Variants in TRIM55 observed in about 807,000 individuals in gnomAD.
TRIM55 encodes the protein tripartite motif containing 55.
Under a neutral mutation model 60.9 loss-of-function variants are expected in TRIM55, and 50 were observed. That is an observed-to-expected ratio of 0.82 (90% confidence interval 0.65 to 1.04). TRIM55 has a LOEUF of 1.04. TRIM55 is among the 50% of genes least tolerant of loss of function. The pLI is 0.00. For synonymous variants in TRIM55, 237 were observed against 238.1 expected, an observed-to-expected ratio of 1.00 and a Z score of 0.04; for missense variants, 681 against 666.9, an observed-to-expected ratio of 1.02 and a Z score of -0.23.
At chr8:66,148,838 C>G (rs997873794) in intron 4 of TRIM55, among the ~76,000 whole-genome samples, 1 of 152,164 alleles carries the variant, frequency 6.6e-6, no homozygotes, top group African/African-American at 2.4e-5. Flanking sequence ...CACTGTAGGT[C>G]AGGAGTTCAA....
the TRIM55 span, among the ~76,000 whole-genome samples, chr8:66,115,929 A>G: frequency 6.6e-6 from 1 of 152,224 alleles, no homozygotes; most frequent in Non-Finnish European, 1.5e-5. Flanking sequence ...GAAAGAAGAA[A>G]CAGAAACATA....
intron 4 of TRIM55, among the ~76,000 whole-genome samples, chr8:66,140,832 A>G (rs959674788): frequency 6.6e-6 from 1 of 152,162 alleles, no homozygotes; most frequent in Non-Finnish European, 1.5e-5. Context: ...GCCCAGAAAC[A>G]TGTTCTGAGA....
intron 9 of TRIM55, among the ~76,000 whole-genome samples, chr8:66,159,035 T>G (rs2128983539): frequency 6.6e-6 from 1 of 152,334 alleles, no homozygotes; most frequent in Non-Finnish European, 1.5e-5. Flanking sequence ...TAAATCAACT[T>G]TATTGAGATA....
chr8:66,161,703 G>A (rs1213533707), intron 9 of TRIM55, among the ~76,000 whole-genome samples: 1 of 147,616 alleles, frequency 6.8e-6, no homozygotes, highest in East Asian at 2.0e-4. Context: ...ACAGTGTTTT[G>A]TAGATTTCCT....
intron 2 of TRIM55, among the ~76,000 whole-genome samples, chr8:66,130,450 C>T (rs1308543377): frequency 1.3e-5 from 2 of 151,700 alleles, no homozygotes; most frequent in African/African-American, 2.4e-5. Context: ...CCCCTGGGGG[C>T]AGACAGCCTT....
intron 9 of TRIM55, among the ~76,000 whole-genome samples, chr8:66,171,163 T>A (rs1259348913): frequency 6.6e-6 from 1 of 152,190 alleles, no homozygotes; most frequent in Non-Finnish European, 1.5e-5. Flanking sequence ...GGGGGTTTGT[T>A]GTACAGATTA....
At chr8:66,151,967 A>T (rs1423619773) in intron 7 of TRIM55, among the ~76,000 whole-genome samples, 1 of 152,212 alleles carries the variant, frequency 6.6e-6, no homozygotes, top group Non-Finnish European at 1.5e-5. Context: ...TAAAATGACA[A>T]AAGGGCTTTG....
At chr8:66,156,047 G>A (rs999093453) in intron 9 of TRIM55, among the ~76,000 whole-genome samples, 2 of 152,188 alleles carry the variant, frequency 1.3e-5, no homozygotes, top group Non-Finnish European at 2.9e-5. Context: ...CCATAATGCG[G>A]TGAGGACTTA....
chr8:66,129,024 C>G (rs566987567), intron 2 of TRIM55, among the ~76,000 whole-genome samples: 84 of 152,136 alleles, frequency 5.5e-4, no homozygotes, highest in South Asian at 4.2e-3. Flanking sequence ...CAAGGCAAAA[C>G]CCTGGCCTTT....
At chr8:66,147,949 A>G (rs1214749133) in intron 4 of TRIM55, among the ~76,000 whole-genome samples, 1 of 152,234 alleles carries the variant, frequency 6.6e-6, no homozygotes, top group Non-Finnish European at 1.5e-5. Flanking sequence ...AAAGGAAGAA[A>G]GCAATACATG....
At chr8:66,114,645 C>G in the TRIM55 span, 1 of 456,326 alleles carries the variant, frequency 2.2e-6, no homozygotes, top group Non-Finnish European at 4.4e-6. Flanking sequence ...TGGAAACGGA[C>G]GCTGATTACT....
At chr8:66,122,954 C>G (rs1014463430), upstream of TRIM55, among the ~76,000 whole-genome samples, 2 of 152,190 alleles carry the variant, frequency 1.3e-5, no homozygotes, top group African/African-American at 4.8e-5. Flanking sequence ...AACACTGTCT[C>G]TTCTGAGGAA....
At chr8:66,143,106 T>C (rs1809912092) in intron 4 of TRIM55, among the ~76,000 whole-genome samples, 1 of 152,180 alleles carries the variant, frequency 6.6e-6, no homozygotes, top group Non-Finnish European at 1.5e-5. Context: ...TCGATGAATG[T>C]TGGAGGAATG....
intron 1 of TRIM55, among the ~76,000 whole-genome samples, chr8:66,127,925 C>T (rs1286483157): frequency 1.3e-5 from 2 of 152,162 alleles, no homozygotes; most frequent in Non-Finnish European, 2.9e-5. Flanking sequence ...TGGTTTGTGT[C>T]CTCTTTACTC....
chr8:66,158,797 C>T (rs914137331), intron 9 of TRIM55, among the ~76,000 whole-genome samples: 1 of 152,174 alleles, frequency 6.6e-6, no homozygotes, highest in East Asian at 1.9e-4. Context: ...ATCCCAATTT[C>T]CCAAACCATT....
At chr8:66,169,768 G>A (rs1055238488) in intron 9 of TRIM55, among the ~76,000 whole-genome samples, 1 of 152,144 alleles carries the variant, frequency 6.6e-6, no homozygotes, top group Non-Finnish European at 1.5e-5. Flanking sequence ...TGGGCAGAAG[G>A]GACGGAGCAT....
At chr8:66,121,404 G>A in the TRIM55 span, among the ~76,000 whole-genome samples, 168 of 152,290 alleles carry the variant, frequency 1.1e-3, no homozygotes, top group African/African-American at 3.2e-3. Flanking sequence ...GGTGGAAGTG[G>A]GGCAAGCAAT....
At chr8:66,134,879 TG>T in intron 2 of TRIM55, 110 bp from the exon 3 acceptor site, 2 of 1,157,942 alleles carry the variant, frequency 1.7e-6, no homozygotes, top group Non-Finnish European at 2.4e-6. Flanking sequence ...ATAGAATTGC[TG>T]GGCATACAGG....
upstream of TRIM55, among the ~76,000 whole-genome samples, chr8:66,122,991 C>A (rs1376401907): frequency 3.3e-5 from 5 of 152,314 alleles, no homozygotes; most frequent in Middle Eastern, 3.4e-3. Context: ...AGAATCCCTT[C>A]CTTTTGCAGG....
Sources: allele counts gnomAD v4.1 joint callset (sites outside exome capture counted in the v4.1 genomes callset), GRCh38; gene constraint gnomAD v4.1.1; transcripts MANE v1.5; gene names NCBI Gene and HGNC (gene_info 2026-07-23, HGNC 2026-07-21).